The following EXOC6B variants were observed in gnomAD, a reference collection of about 807,000 sequenced individuals.
EXOC6B encodes the protein exocyst complex component 6B, also known as SEC15 homolog B.
A neutral mutation model predicts 113.5 loss-of-function variants in EXOC6B; 54 were observed. The observed-to-expected ratio is 0.48, with a 90% CI of 0.38 to 0.60. The LOEUF is 0.60. Ranked by LOEUF, EXOC6B falls within the 20% of genes least tolerant of loss-of-function variation. EXOC6B has a pLI of 0.00. For missense variants in EXOC6B, 797 were observed against 977.5 expected, an observed-to-expected ratio of 0.82 and a Z score of 2.46; for synonymous variants, 357 against 339.0, an observed-to-expected ratio of 1.05 and a Z score of -0.58.
intron 1 of EXOC6B, among the ~76,000 whole-genome samples, chr2:72,782,048 G>A (rs1226775569): frequency 6.6e-6 from 1 of 150,884 alleles, no homozygotes; most frequent in Admixed American, 6.6e-5. Context: ...GCTGAGGTAG[G>A]AGAATCACTT....
chr2:72,583,732 G>GT (rs56113927), intron 6 of EXOC6B, among the ~76,000 whole-genome samples: 32,917 of 151,274 alleles, frequency 0.22, 5,815 homozygotes, highest in African/African-American at 0.49. Context: ...TTTTGTTTTT[G>GT]TTTTTTTTGA....
intron 18 of EXOC6B, among the ~76,000 whole-genome samples, chr2:72,435,038 C>T (rs935024542): frequency 6.6e-6 from 1 of 152,180 alleles, no homozygotes; most frequent in African/African-American, 2.4e-5. Flanking sequence ...TTCTGTTGGG[C>T]ATTTCGTGCT....
intron 8 of EXOC6B, among the ~76,000 whole-genome samples, chr2:72,535,088 G>A (rs1702205993): frequency 6.6e-6 from 1 of 152,102 alleles, no homozygotes; most frequent in African/African-American, 2.4e-5. Context: ...ACTAAACTTG[G>A]TAAACAGATC....
At chr2:72,448,949 C>T (rs1256947355) in intron 18 of EXOC6B, among the ~76,000 whole-genome samples, 1 of 152,072 alleles carries the variant, frequency 6.6e-6, no homozygotes, top group Non-Finnish European at 1.5e-5. Flanking sequence ...TTTATATATT[C>T]ACAAGTTTAA....
chr2:72,261,434 T>C (rs1007911786), intron 20 of EXOC6B, among the ~76,000 whole-genome samples: 3 of 152,200 alleles, frequency 2.0e-5, no homozygotes, highest in Admixed American at 6.5e-5. Context: ...TGGAAGGAGT[T>C]TGGGTTTGCC....
intron 7 of EXOC6B, among the ~76,000 whole-genome samples, chr2:72,560,266 C>A (rs906435822): frequency 6.7e-6 from 1 of 149,772 alleles, no homozygotes; most frequent in Non-Finnish European, 1.5e-5. Flanking sequence ...GTCTCGACTA[C>A]CTAAGTTGAA....
chr2:72,364,552 T>G (rs558735210), intron 19 of EXOC6B, among the ~76,000 whole-genome samples: 75 of 152,306 alleles, frequency 4.9e-4, no homozygotes, highest in South Asian at 3.5e-3. Context: ...CAAACTCTGT[T>G]GTGTTTCCAC....
chr2:72,260,086 A>G (rs1046866578), intron 20 of EXOC6B, among the ~76,000 whole-genome samples: 10 of 152,086 alleles, frequency 6.6e-5, no homozygotes, highest in Non-Finnish European at 1.5e-4. Context: ...AGAGAGAGAG[A>G]GAGAAAAAGG....
At chr2:72,677,466 C>G (rs925404602) in intron 6 of EXOC6B, among the ~76,000 whole-genome samples, 2 of 152,072 alleles carry the variant, frequency 1.3e-5, no homozygotes, top group African/African-American at 4.8e-5. Context: ...CTGATCCTTT[C>G]CTCCCCCTCC....
chr2:72,376,377 T>C (rs1464326627), intron 19 of EXOC6B, among the ~76,000 whole-genome samples: 1 of 152,200 alleles, frequency 6.6e-6, no homozygotes, highest in Non-Finnish European at 1.5e-5. Flanking sequence ...TTCAGGACTT[T>C]ACAGATATTC....
intron 8 of EXOC6B, among the ~76,000 whole-genome samples, chr2:72,550,507 A>G (rs1703149984): frequency 6.6e-6 from 1 of 152,238 alleles, no homozygotes. Flanking sequence ...TTTCAAAACT[A>G]GGAACTACTG....
chr2:72,353,607 C>G (rs2104952564), intron 19 of EXOC6B, among the ~76,000 whole-genome samples: 1 of 152,062 alleles, frequency 6.6e-6, no homozygotes, highest in Non-Finnish European at 1.5e-5. Context: ...CTCCTGACCT[C>G]AAGTGATCCG....
intron 6 of EXOC6B, among the ~76,000 whole-genome samples, chr2:72,670,462 T>C (rs577106893): frequency 2.0e-5 from 3 of 152,312 alleles, no homozygotes; most frequent in Non-Finnish European, 2.9e-5. Context: ...AATTCTGCAA[T>C]ATTTCTCAAT....
chr2:72,753,852 C>T (rs1340350154), intron 1 of EXOC6B, among the ~76,000 whole-genome samples: 1 of 152,198 alleles, frequency 6.6e-6, no homozygotes, highest in East Asian at 1.9e-4. Context: ...CAAGGTTCAG[C>T]TCAAAACTCA....
intron 1 of EXOC6B, among the ~76,000 whole-genome samples, chr2:72,824,290 T>C (rs138079158): frequency 6.6e-6 from 1 of 151,864 alleles, no homozygotes; most frequent in Non-Finnish European, 1.5e-5. Flanking sequence ...TCAGGAGGCT[T>C]AGGTGGGAGG....
chr2:72,577,141 G>A (rs185304284), intron 6 of EXOC6B, among the ~76,000 whole-genome samples: 4 of 152,108 alleles, frequency 2.6e-5, no homozygotes, highest in African/African-American at 7.2e-5. Flanking sequence ...TTGTTTCTCT[G>A]CATATCAGCC....
intron 20 of EXOC6B, among the ~76,000 whole-genome samples, chr2:72,308,330 T>C (rs1242518975): frequency 6.6e-6 from 1 of 152,176 alleles, no homozygotes; most frequent in African/African-American, 2.4e-5. Context: ...TATGACATTA[T>C]TAATTTTCAA....
chr2:72,617,834 A>G (rs1671495164), intron 6 of EXOC6B, among the ~76,000 whole-genome samples: 1 of 152,034 alleles, frequency 6.6e-6, no homozygotes, highest in Non-Finnish European at 1.5e-5. Flanking sequence ...TAGAGTTCTA[A>G]TCTTTGCTAC....
chr2:72,699,212 G>T (rs1234253113), intron 6 of EXOC6B, among the ~76,000 whole-genome samples: 1 of 152,212 alleles, frequency 6.6e-6, no homozygotes, highest in African/African-American at 2.4e-5. Flanking sequence ...GGGCGCGGTG[G>T]CTCACGCCTG....
Sources: allele counts gnomAD v4.1 joint callset (sites outside exome capture counted in the v4.1 genomes callset), GRCh38; gene constraint gnomAD v4.1.1; transcripts MANE v1.5; gene names NCBI Gene and HGNC (gene_info 2026-07-23, HGNC 2026-07-21).